Variants in ACYP2 observed in about 807,000 individuals in gnomAD.
ACYP2 encodes the protein acylphosphatase-2.
A neutral mutation model predicts 11.2 loss-of-function variants in ACYP2; 12 were observed. The ratio of observed to expected loss-of-function variants is 1.08; its 90% CI spans 0.69 to 1.74. The LOEUF (loss-of-function observed/expected upper bound fraction) is 1.74. Among genes scored for constraint, ACYP2 ranks in the 40% most tolerant of loss-of-function variants. The pLI is 0.00. For synonymous variants in ACYP2, 43 were observed against 32.2 expected, an observed-to-expected ratio of 1.33 and a Z score of -1.13; for missense variants, 134 against 101.9, an observed-to-expected ratio of 1.31 and a Z score of -1.35.
chr2:54,189,139 A>G (rs1254573080), intron 6 of ACYP2, among the ~76,000 whole-genome samples: 2 of 152,348 alleles, frequency 1.3e-5, no homozygotes, highest in Admixed American at 6.5e-5. Flanking sequence ...GCAAATTAAC[A>G]TACCCATCAT....
At chr2:54,141,312 A>G (rs1024983698) in intron 6 of ACYP2, among the ~76,000 whole-genome samples, 2 of 152,148 alleles carry the variant, frequency 1.3e-5, no homozygotes, top group African/African-American at 2.4e-5. Flanking sequence ...TAACTCAAAT[A>G]TGGCTATTTT....
intron 4 of ACYP2, among the ~76,000 whole-genome samples, chr2:54,078,179 T>C (rs1008187520): frequency 6.6e-6 from 1 of 151,912 alleles, no homozygotes; most frequent in African/African-American, 2.4e-5. Flanking sequence ...ACTCCTGATC[T>C]CAAATGATCC....
chr2:53,972,036 G>T (rs56217172), intron 1 of ACYP2, among the ~76,000 whole-genome samples: 1 of 152,236 alleles, frequency 6.6e-6, no homozygotes, highest in Non-Finnish European at 1.5e-5. Context: ...GCGGCCGGGC[G>T]CAGTGGCTCA....
intron 6 of ACYP2, among the ~76,000 whole-genome samples, chr2:54,304,383 A>G (rs1436166985): frequency 6.6e-6 from 1 of 152,164 alleles, no homozygotes; most frequent in Non-Finnish European, 1.5e-5. Context: ...TTTGAGTATA[A>G]GAGCCAGGTA....
chr2:54,092,363 T>C (rs1317650755), intron 4 of ACYP2, among the ~76,000 whole-genome samples: 1 of 152,194 alleles, frequency 6.6e-6, no homozygotes, highest in Non-Finnish European at 1.5e-5. Flanking sequence ...AAGAATATAT[T>C]TGACACTCCG....
intron 2 of ACYP2, among the ~76,000 whole-genome samples, chr2:54,046,293 A>G (rs1250078219): frequency 6.6e-6 from 1 of 151,954 alleles, no homozygotes; most frequent in Non-Finnish European, 1.5e-5. Context: ...AGCCTGGCCA[A>G]CATGGTGAAA....
chr2:54,219,833 A>ATATGTATGTGTGTATT (rs1553394644), intron 6 of ACYP2, among the ~76,000 whole-genome samples: 2 of 143,990 alleles, frequency 1.4e-5, no homozygotes, highest in Non-Finnish European at 3.0e-5. Context: ...GTGTGTATAT[A>ATATGTATGTGTGTATT]TATGTGTATG....
At chr2:54,286,968 C>T (rs1689103461) in intron 6 of ACYP2, among the ~76,000 whole-genome samples, 1 of 152,010 alleles carries the variant, frequency 6.6e-6, no homozygotes, top group African/African-American at 2.4e-5. Context: ...AGTATACTAT[C>T]ACATAATTAT....
intron 4 of ACYP2, among the ~76,000 whole-genome samples, chr2:54,121,707 G>A (rs1356023145): frequency 1.3e-5 from 2 of 152,108 alleles, no homozygotes; most frequent in Non-Finnish European, 2.9e-5. Flanking sequence ...TCCTGTCTTT[G>A]TTCTTATAGT....
intron 4 of ACYP2, among the ~76,000 whole-genome samples, chr2:54,130,922 A>G (rs1286885492): frequency 2.6e-5 from 4 of 152,176 alleles, no homozygotes; most frequent in Non-Finnish European, 5.9e-5. Context: ...AAATCACCCA[A>G]GAGTGATTGT....
At chr2:53,979,918 C>T (rs888719352) in intron 2 of ACYP2, among the ~76,000 whole-genome samples, 1 of 152,018 alleles carries the variant, frequency 6.6e-6, no homozygotes, top group African/African-American at 2.4e-5. Context: ...TCTGGAGCTT[C>T]TGACCTCAAG....
At chr2:54,269,906 AATGACTAT>A (rs200954081) in intron 6 of ACYP2, among the ~76,000 whole-genome samples, 2 of 152,198 alleles carry the variant, frequency 1.3e-5, no homozygotes, top group East Asian at 3.8e-4. Flanking sequence ...TAATAATTCT[AATGACTAT>A]ATAACAGTCT....
chr2:54,170,979 T>G (rs1683198373), intron 6 of ACYP2, among the ~76,000 whole-genome samples: 1 of 152,128 alleles, frequency 6.6e-6, no homozygotes, highest in Admixed American at 6.5e-5. Context: ...CTTTGTTTAT[T>G]TACTGGAGTG....
At chr2:54,241,352 A>T (rs970826023) in intron 6 of ACYP2, among the ~76,000 whole-genome samples, 2 of 152,202 alleles carry the variant, frequency 1.3e-5, no homozygotes, top group Non-Finnish European at 2.9e-5. Context: ...TGGTTTAAGT[A>T]TGATATTGAA....
chr2:54,182,867 C>T (rs57045403), intron 6 of ACYP2, among the ~76,000 whole-genome samples: 3,909 of 151,918 alleles, frequency 0.026, 171 homozygotes, highest in African/African-American at 0.088. Context: ...ACAAAACTTA[C>T]CAGGGAGACC....
At chr2:54,113,592 G>A (rs2103722316) in intron 4 of ACYP2, among the ~76,000 whole-genome samples, 1 of 152,224 alleles carries the variant, frequency 6.6e-6, no homozygotes. Flanking sequence ...TGAATCTATG[G>A]ATGCAGAACC....
At chr2:54,041,651 T>C (rs560574167) in intron 2 of ACYP2, among the ~76,000 whole-genome samples, 15 of 152,326 alleles carry the variant, frequency 9.8e-5, no homozygotes, top group South Asian at 4.1e-4. Flanking sequence ...ACAAAGGTTA[T>C]TGTTTATTCA....
At chr2:54,040,835 G>A (rs1020149882) in intron 2 of ACYP2, among the ~76,000 whole-genome samples, 1 of 152,102 alleles carries the variant, frequency 6.6e-6, no homozygotes, top group African/African-American at 2.4e-5. Context: ...CTGGACATGG[G>A]GAATATAGAC....
At chr2:54,259,820 A>G (rs2104039382) in intron 6 of ACYP2, among the ~76,000 whole-genome samples, 1 of 152,362 alleles carries the variant, frequency 6.6e-6, no homozygotes, top group South Asian at 2.1e-4. Flanking sequence ...CTTGGCTGGA[A>G]TAAGTTTAAG....
Sources: allele counts gnomAD v4.1 joint callset (sites outside exome capture counted in the v4.1 genomes callset), GRCh38; gene constraint gnomAD v4.1.1; transcripts MANE v1.5; gene names NCBI Gene and HGNC (gene_info 2026-07-23, HGNC 2026-07-21).